TRHR: variants seen among roughly 807,000 people sequenced by gnomAD.
TRHR encodes the protein thyrotropin-releasing hormone receptor.
In TRHR, 14 loss-of-function variants were observed where a neutral mutation model predicts 28.0. The ratio of observed to expected loss-of-function variants is 0.50; its 90% CI spans 0.33 to 0.78. The LOEUF is 0.78. Among genes scored for constraint, TRHR ranks in the 30% least tolerant of loss-of-function variants. The pLI is 0.02. For synonymous variants in TRHR, 176 were observed against 171.9 expected (o/e 1.02, Z -0.18); for missense variants, 438 against 469.5 (o/e 0.93, Z 0.62).
Position 109,087,614 on chromosome 8 carries a change from T to G in TRHR, c.102T>G (p.Ile34Met). The G allele has an allele frequency of 6.2e-7, 1 of 1,614,116 alleles. No homozygotes were observed. Among genetic ancestry groups the G allele is most frequent in the Non-Finnish European group, 8.5e-7 (1 of 1,180,022 alleles). Reference protein sequence around the residue: ...YQVVTILLVLIICGLGIVGNI... With the variant: ...YQVVTILLVLMICGLGIVGNI... ...TGGTCACCATCTTACTTGTACTCAT[T>G]ATTTGTGGCCTGGGCATTGTAGGCA... The change falls in exon 2 of 3, where the codon ATT (isoleucine) becomes ATG (methionine). Residue 34 changes from isoleucine (I) to methionine (M), a missense_variant. Ile to Met is a conservative substitution (Grantham distance 10, BLOSUM62 1). Transcript: ENST00000518632.
intron 2 of TRHR, among the ~76,000 whole-genome samples, chr8:109,118,736 G>A (rs1034920853): frequency 2.0e-5 from 3 of 151,858 alleles, no homozygotes; most frequent in Admixed American, 2.0e-4. Flanking sequence ...ATGAATGGAC[G>A]CTGGCATTCA....
intron 2 of TRHR, among the ~76,000 whole-genome samples, chr8:109,090,017 G>A (rs540488935): frequency 6.5e-4 from 99 of 152,226 alleles, no homozygotes; most frequent in African/African-American, 2.2e-3. Flanking sequence ...AGCTGTTACC[G>A]ATAAGCTGTC....
chr8:109,100,862 T>C (rs1811669841), intron 2 of TRHR, among the ~76,000 whole-genome samples: 1 of 152,080 alleles, frequency 6.6e-6, no homozygotes, highest in South Asian at 2.1e-4. Flanking sequence ...GGAAGGAAGA[T>C]GGTTTATGTA....
intron 2 of TRHR, among the ~76,000 whole-genome samples, chr8:109,102,308 A>G (rs1277725576): frequency 1.3e-5 from 2 of 152,004 alleles, no homozygotes; most frequent in African/African-American, 4.8e-5. Context: ...AGTAGAGTGG[A>G]AGGAATTATT....
rs898513497 is a variant in TRHR, at chr8:109,088,439, G to T, written c.789+138G>T. ...CAAATGTTTCACAGTGTAAGCTTCT[G>T]CCTAACATATTAAATCCATCTCTAA... On this transcript the variant is annotated intron_variant, in intron 2 of 2. Transcript: ENST00000518632. The T allele has an allele frequency of 3.2e-6, 3 of 940,244 alleles. No homozygotes were observed. The African/African-American group carries it at 5.0e-5, about 16-fold the overall frequency. The allele number at this position is 940,244 out of a possible 1,614,324, so 58.2% of individuals were successfully genotyped here.
rs766095654 is a variant in TRHR at position 109,088,138 on chromosome 8, T to C, written c.626T>C (p.Val209Ala). 1.2e-6 allele frequency: 2 copies of C among 1,614,148 alleles called. No individual in the cohort carries two copies. Among genetic ancestry groups the C allele is most frequent in the Non-Finnish European group, 1.7e-6 (2 of 1,180,026 alleles). The part of the protein sequence containing the change: ...FYVVPMILAT[V>A]LYGFIARILF... ...GTTGTGCCAATGATCCTGGCTACCGTCCTCTATGGATTCATAGCTAGAATC... is the reference window on the plus strand; with the variant it reads ...GTTGTGCCAATGATCCTGGCTACCGCCCTCTATGGATTCATAGCTAGAATC... The change falls in exon 2 of 3, where the codon GTC becomes GCC. Residue 209 changes from valine to alanine, a missense_variant. By Grantham distance (64) the Val-to-Ala change is moderately conservative (BLOSUM62 0). Coordinates refer to ENST00000518632, the MANE Select transcript of TRHR (RefSeq NM_003301.7).
At chr8:109,093,087 C>T (rs187989835) in intron 2 of TRHR, among the ~76,000 whole-genome samples, 18 of 152,212 alleles carry the variant, frequency 1.2e-4, no homozygotes, top group Admixed American at 2.0e-4. Flanking sequence ...GTTTGTTTCT[C>T]TGAGCCTCAG....
intron 2 of TRHR, among the ~76,000 whole-genome samples, chr8:109,096,018 G>T (rs1340154797): frequency 1.3e-5 from 2 of 151,982 alleles, no homozygotes; most frequent in Admixed American, 1.3e-4. Flanking sequence ...TCTGCACATT[G>T]CTCACTAAAG....
chr8:109,117,918 C>G (rs1005544917), intron 2 of TRHR, among the ~76,000 whole-genome samples: 1 of 151,896 alleles, frequency 6.6e-6, no homozygotes, highest in Admixed American at 6.6e-5. Context: ...TGGTAAGATA[C>G]GTAGCCTTAA....
chr8:109,094,612 A>T (rs550624026), intron 2 of TRHR, among the ~76,000 whole-genome samples: 1 of 152,010 alleles, frequency 6.6e-6, no homozygotes, highest in Non-Finnish European at 1.5e-5. Context: ...AAGATTTTGT[A>T]CATATCCTAT....
intron 2 of TRHR, among the ~76,000 whole-genome samples, chr8:109,112,522 C>A (rs780863759): frequency 2.6e-5 from 4 of 151,678 alleles, no homozygotes; most frequent in Non-Finnish European, 4.4e-5. Context: ...TCCTTTTTTC[C>A]CTCCCAGGAA....
At position 109,087,490 on chromosome 8, in the gene TRHR, C is replaced by T. The variant is rs377442753; in HGVS notation, c.-23C>T. 6.8e-5 allele frequency: 109 copies of T among 1,613,618 alleles called. No homozygotes were observed. The South Asian group carries it at 7.7e-4, about 11-fold the overall frequency. On this transcript the variant is annotated 5_prime_UTR_variant, in exon 2 of 3. Coordinates refer to ENST00000518632, the MANE Select transcript of TRHR (RefSeq NM_003301.7). ...AGATGTTTTGAGAAGTCAGTGTTTC[C>T]GAGAAACTTTAAGCTTCTAAAGATG...
At position 109,120,277 on chromosome 8, in the gene TRHR, C is replaced by T. The variant is rs1811988201; in HGVS notation, c.*822C>T. On this transcript the variant is annotated 3_prime_UTR_variant, in exon 3 of 3. Transcript: ENST00000518632. ...TTTGAAAAGTATAGTCAAGACAAAG[C>T]AAGTATTTATAATTAGATTTTGCTT... Among the ~76,000 whole-genome samples, 4 of 151,828 alleles carry T rather than the reference C, an allele frequency of 2.6e-5. No individual in the cohort carries two copies. The highest frequency in any genetic ancestry group is 5.9e-5 in the Non-Finnish European group (4 of 67,880).
chr8:109,106,894 A>C (rs1811759177), intron 2 of TRHR, among the ~76,000 whole-genome samples: 1 of 152,122 alleles, frequency 6.6e-6, no homozygotes, highest in South Asian at 2.1e-4. Context: ...GAAACCCTCA[A>C]GGAGGCATCA....
intron 2 of TRHR, among the ~76,000 whole-genome samples, chr8:109,092,134 G>A (rs1408517615): frequency 6.6e-6 from 1 of 152,136 alleles, no homozygotes; most frequent in Non-Finnish European, 1.5e-5. Context: ...GAAATATGCA[G>A]AATATTTTAT....
rs1016622115 is a variant in TRHR, at chr8:109,111,951, G to A, written c.790-7097G>A. On this transcript the variant is annotated intron_variant, in intron 2 of 2. Transcript: ENST00000518632. ...TCTTCAAATACAAGTTTAATGATAA[G>A]GTTGTCACCATCTGGTATATGACTT... 2.6e-5 allele frequency among the ~76,000 whole-genome samples: 4 copies of A among 152,128 alleles called. No homozygotes were observed. In the East Asian group the frequency reaches 7.7e-4, roughly 29 times the overall value.
chr8:109,095,752 C>T (rs967939696), intron 2 of TRHR, among the ~76,000 whole-genome samples: 7 of 152,048 alleles, frequency 4.6e-5, no homozygotes, highest in African/African-American at 9.7e-5. Context: ...AAACTTCTAC[C>T]TCTTTCTTTC....
At chr8:109,112,849 C>T (rs1811856129) in intron 2 of TRHR, among the ~76,000 whole-genome samples, 1 of 152,150 alleles carries the variant, frequency 6.6e-6, no homozygotes, top group South Asian at 2.1e-4. Flanking sequence ...TTCTCTGCTT[C>T]TCTAAGCTCA....
intron 2 of TRHR, among the ~76,000 whole-genome samples, chr8:109,101,527 G>A (rs1254076308): frequency 6.6e-6 from 1 of 152,096 alleles, no homozygotes; most frequent in East Asian, 1.9e-4. Flanking sequence ...AGTTATTAGG[G>A]TTGAGTGCAA....
Sources: allele counts gnomAD v4.1 joint callset (sites outside exome capture counted in the v4.1 genomes callset), GRCh38; gene constraint gnomAD v4.1.1; transcripts MANE v1.5; gene names NCBI Gene and HGNC (gene_info 2026-07-23, HGNC 2026-07-21).